The following NRXN1 variants were observed in gnomAD, a reference collection of about 807,000 sequenced individuals.
NRXN1 encodes neurexin 1, also known as neurexin-1.
In NRXN1, 39 loss-of-function variants were observed where a neutral mutation model predicts 150.9. The ratio of observed to expected loss-of-function variants is 0.26; its 90% CI spans 0.20 to 0.34. The LOEUF (loss-of-function observed/expected upper bound fraction) is 0.34. Ranked by LOEUF, NRXN1 falls within the 10% of genes least tolerant of loss-of-function variation. The pLI is 1.00. For missense variants in NRXN1, 1,815 were observed against 1,949.9 expected (o/e 0.93, Z 1.30); for synonymous variants, 924 against 757.0 (o/e 1.22, Z -3.62).
At chr2:50,910,011 C>A (rs1375424702) in intron 5 of NRXN1, among the ~76,000 whole-genome samples, 2 of 150,014 alleles carry the variant, frequency 1.3e-5, no homozygotes, top group Non-Finnish European at 3.0e-5. Context: ...CTAGCCTCAG[C>A]TATTTTTTTT....
At chr2:50,024,938 C>T (rs935571771) in intron 21 of NRXN1, among the ~76,000 whole-genome samples, 1 of 152,106 alleles carries the variant, frequency 6.6e-6, no homozygotes, top group Non-Finnish European at 1.5e-5. Context: ...CTTTAGGTTA[C>T]TCACCTATAA....
chr2:50,629,873 G>A (rs1391786022), intron 5 of NRXN1, among the ~76,000 whole-genome samples: 2 of 151,138 alleles, frequency 1.3e-5, no homozygotes, highest in African/African-American at 2.4e-5. Flanking sequence ...ATATATATAC[G>A]CTGCTTGGTA....
rs183583376 is a variant in NRXN1, at chr2:50,621,362, C to T, written c.1135-113G>A. ...TTAGTACATTTTTTGATTCAGGTAA[C>T]GGTTAGTAGAATGAAACATTCCATG... On this transcript the variant is annotated intron_variant, in intron 6 of 22. Coordinates refer to ENST00000401669, the MANE Select transcript of NRXN1 (RefSeq NM_001330078.2). 325 of 752,264 alleles carry T rather than the reference C, an allele frequency of 4.3e-4. 1 individual carries two copies. The highest frequency in any genetic ancestry group is 9.9e-4 in the Admixed American group (35 of 35,292). 46.6% of individuals were successfully genotyped at this position (752,264 alleles called of 1,614,324 possible).
chr2:50,151,581 GCT>G (rs1362608859), intron 18 of NRXN1, among the ~76,000 whole-genome samples: 1 of 151,454 alleles, frequency 6.6e-6, no homozygotes, highest in African/African-American at 2.4e-5. Context: ...AGTACCAAAA[GCT>G]CCAAAGCTTT....
At chr2:50,373,493 C>T (rs17465933) in intron 17 of NRXN1, among the ~76,000 whole-genome samples, 83,862 of 148,752 alleles carry the variant, frequency 0.56, 25,838 homozygotes, top group East Asian at 0.92. Flanking sequence ...ACAAGAGTGA[C>T]AAAAATTCAA....
At chr2:50,841,863 T>C (rs1672925483) in intron 5 of NRXN1, among the ~76,000 whole-genome samples, 2 of 152,216 alleles carry the variant, frequency 1.3e-5, no homozygotes, top group Non-Finnish European at 2.9e-5. Flanking sequence ...ACATATCTGA[T>C]ATTGAACTTA....
rs77816086 is a variant in NRXN1 at position 49,922,565 on chromosome 2, A to C, written c.4217-314T>G. ...CATGTGGGTGACTTAAGTAAAAAAA[A>C]CCCACAAACCCAGCATAAAGAAAAG... is the stretch of plus-strand genomic sequence containing the variant. On this transcript the variant is annotated intron_variant, in intron 22 of 22. Transcript: ENST00000401669. Among the ~76,000 whole-genome samples the C allele has an allele frequency of 2.6e-3, 397 of 152,222 alleles. 3 individuals are homozygous for C. Among genetic ancestry groups the C allele is most frequent in the East Asian group, 0.021 (106 of 5,166 alleles).
chr2:50,154,586 T>C (rs574643162), intron 18 of NRXN1, among the ~76,000 whole-genome samples: 6 of 151,782 alleles, frequency 4.0e-5, no homozygotes, highest in Non-Finnish European at 7.4e-5. Context: ...TGTGAGAATA[T>C]AATTAGCCAC....
chr2:50,899,962 G>A (rs1419982630), intron 5 of NRXN1, among the ~76,000 whole-genome samples: 2 of 152,130 alleles, frequency 1.3e-5, no homozygotes, highest in East Asian at 3.9e-4. Context: ...GGCACACAGA[G>A]GTATTTTAAA....
In NRXN1 at chr2:50,360,157, G is replaced by A. The variant is rs150215184; in HGVS notation, c.3364+105285C>T. Among the ~76,000 whole-genome samples the A allele has an allele frequency of 1.5e-3, 223 of 151,828 alleles. 4 individuals are homozygous for A. The East Asian group carries it at 0.039, about 27-fold the overall frequency. On this transcript the variant is annotated intron_variant, in intron 17 of 22. Coordinates refer to ENST00000401669, the MANE Select transcript of NRXN1 (RefSeq NM_001330078.2). ...AGTTACCAGTCACTGTAATGTGAAA[G>A]ACCAATGTGTGTAAAGACCATTGGC...
chr2:50,465,594 T>A, intron 16 of NRXN1, 33 bp from the exon 17 acceptor site: 1 of 1,566,864 alleles, frequency 6.4e-7, no homozygotes, highest in Non-Finnish European at 8.7e-7. Context: ...CTTGGGTTCT[T>A]TAAAAGAATC....
intron 18 of NRXN1, among the ~76,000 whole-genome samples, chr2:50,168,152 G>T (rs2059800545): frequency 6.6e-6 from 1 of 152,116 alleles, no homozygotes; most frequent in Non-Finnish European, 1.5e-5. Context: ...ACAGTCTGGT[G>T]ATGGCAGGCA....
chr2:50,421,814 C>T (rs1449337470), intron 17 of NRXN1, among the ~76,000 whole-genome samples: 1 of 152,064 alleles, frequency 6.6e-6, no homozygotes, highest in African/African-American at 2.4e-5. Flanking sequence ...GAGATCAGAA[C>T]TGTTGTTTTA....
chr2:50,704,262 C>T (rs1694141446), intron 5 of NRXN1, among the ~76,000 whole-genome samples: 1 of 151,934 alleles, frequency 6.6e-6, no homozygotes, highest in Non-Finnish European at 1.5e-5. Context: ...TGTTTCCAAG[C>T]TTGTCCTCTT....
intron 17 of NRXN1, among the ~76,000 whole-genome samples, chr2:50,393,803 G>A (rs968498390): frequency 6.6e-6 from 1 of 151,778 alleles, no homozygotes. Flanking sequence ...ACAATTCCCA[G>A]GAAAAAAGAA....
intron 21 of NRXN1, among the ~76,000 whole-genome samples, chr2:49,968,143 A>C (rs1022178758): frequency 1.6e-4 from 24 of 151,946 alleles, no homozygotes; most frequent in Admixed American, 3.3e-4. Flanking sequence ...CCCACCAAAA[A>C]AAAAAAAAGA....
intron 17 of NRXN1, among the ~76,000 whole-genome samples, chr2:50,237,255 T>G (rs2065539192): frequency 6.6e-6 from 1 of 152,042 alleles, no homozygotes; most frequent in African/African-American, 2.4e-5. Context: ...GAACGGAATG[T>G]AATGAGGCAT....
chr2:50,416,027 C>T (rs1253963698), intron 17 of NRXN1, among the ~76,000 whole-genome samples: 2 of 151,606 alleles, frequency 1.3e-5, no homozygotes, highest in Non-Finnish European at 2.9e-5. Flanking sequence ...TTTAGTACCT[C>T]CTATATGGTA....
chr2:50,053,489 C>T lies in NRXN1; in HGVS notation c.3910G>A (p.Gly1304Ser). 1 of 1,614,054 alleles carries T rather than the reference C, an allele frequency of 6.2e-7. No individual in the cohort carries two copies. The highest frequency in any genetic ancestry group is 8.5e-7 in the Non-Finnish European group (1 of 1,179,938). ...QGQLSGLYYN[G>S]LKVLNMAAEN... Reference sequence around the variant, plus strand: ...GCTGCCATATTCAGAACTTTCAAGCCATTGTAGTACAGCCCAGAGAGCTGG... The same window carrying T: ...GCTGCCATATTCAGAACTTTCAAGCTATTGTAGTACAGCCCAGAGAGCTGG... The change falls in exon 21 of 23, where the codon GGC becomes AGC. Residue 1304 changes from glycine (G) to serine (S), a missense_variant. Gly to Ser is a moderately conservative substitution (Grantham distance 56). This residue lies in a region of NRXN1 where 265 missense variants were observed against 307.1 expected (regional missense o/e 0.86). Transcript: ENST00000401669.
Sources: allele counts gnomAD v4.1 joint callset (sites outside exome capture counted in the v4.1 genomes callset), GRCh38; gene constraint gnomAD v4.1.1; regional missense constraint gnomAD v4.1.1; transcripts MANE v1.5; gene names NCBI Gene and HGNC (gene_info 2026-07-23, HGNC 2026-07-21).